VWC2: variants seen among roughly 807,000 people sequenced by gnomAD.
VWC2 encodes von Willebrand factor C domain containing 2.
VWC2 carries 14 observed loss-of-function variants against 29.8 expected under a neutral mutation model. The ratio of observed to expected loss-of-function variants is 0.47; its 90% CI spans 0.31 to 0.74. The LOEUF is 0.74. Among genes scored for constraint, VWC2 ranks in the 30% least tolerant of loss-of-function variants. The probability of loss-of-function intolerance (pLI) is 0.05; values close to 1 mark genes in which losing one functional copy is unlikely to be tolerated. For synonymous variants in VWC2, 213 were observed against 199.0 expected (o/e 1.07, Z -0.59); for missense variants, 457 against 459.8 (o/e 0.99, Z 0.05).
chr7:49,901,870 G>GAACACTGTTTGCTAACACTGTTAGCT (rs556242675), intron 3 of VWC2, among the ~76,000 whole-genome samples: 5,059 of 146,854 alleles, frequency 0.034, 308 homozygotes, highest in Admixed American at 0.15. Context: ...AGATAAATAT[G>GAACACTGTTTGCTAACACTGTTAGCT]AACACTGTTT....
intron 3 of VWC2, among the ~76,000 whole-genome samples, chr7:49,835,145 T>C (rs1339030114): frequency 6.6e-6 from 1 of 152,158 alleles, no homozygotes; most frequent in Non-Finnish European, 1.5e-5. Context: ...TGGTCAGTGA[T>C]TGGCTATTCA....
At chr7:49,845,695 A>T (rs748473944) in intron 3 of VWC2, among the ~76,000 whole-genome samples, 2 of 152,250 alleles carry the variant, frequency 1.3e-5, no homozygotes, top group Non-Finnish European at 2.9e-5. Context: ...AATTCCTAAT[A>T]AAAGACCTTG....
Position 49,914,150 on chromosome 7 carries a change from C to T in VWC2, c.*1965C>T, listed in dbSNP as rs1241054998. 6.6e-6 allele frequency: 1 copy of T among 152,210 alleles called. No homozygotes were observed. The highest frequency in any genetic ancestry group is 6.5e-5 in the Admixed American group (1 of 15,272). The allele number at this position is 152,210 out of a possible 1,614,324, so 9.4% of individuals were successfully genotyped here. ...GTTGTCGTTTTGCTAATAAATGGCC[C>T]TAGCCCCCATGGGTAGGTGGGCCAT... On this transcript the variant is annotated 3_prime_UTR_variant, in exon 4 of 4. Transcript: ENST00000340652.
chr7:49,858,706 A>G (rs1790528261), intron 3 of VWC2, among the ~76,000 whole-genome samples: 2 of 149,970 alleles, frequency 1.3e-5, no homozygotes, highest in African/African-American at 2.5e-5. Flanking sequence ...GTATAATAAT[A>G]ATAAAAAAAA....
At chr7:49,782,543 A>T (rs1583621661) in intron 2 of VWC2, among the ~76,000 whole-genome samples, 1 of 88,698 alleles carries the variant, frequency 1.1e-5, no homozygotes, top group African/African-American at 3.0e-5. Flanking sequence ...TCTAGTGGTT[A>T]AAAAAAAAAA....
At chr7:49,865,831 T>C (rs944032956) in intron 3 of VWC2, among the ~76,000 whole-genome samples, 3 of 152,206 alleles carry the variant, frequency 2.0e-5, no homozygotes, top group Non-Finnish European at 4.4e-5. Context: ...GCTCATTCCA[T>C]GCAACCTCAG....
intron 3 of VWC2, among the ~76,000 whole-genome samples, chr7:49,856,810 C>A (rs909977974): frequency 2.6e-5 from 4 of 151,882 alleles, no homozygotes; most frequent in African/African-American, 9.7e-5. Flanking sequence ...GAGATCGAGA[C>A]CATCCTGGCT....
At chr7:49,870,332 G>A (rs1791094705) in intron 3 of VWC2, among the ~76,000 whole-genome samples, 1 of 152,178 alleles carries the variant, frequency 6.6e-6, no homozygotes, top group South Asian at 2.1e-4. Context: ...CCCAGGAGGT[G>A]GAGCTTGCAG....
chr7:49,830,509 C>T (rs1170778737), intron 3 of VWC2, among the ~76,000 whole-genome samples: 2 of 152,080 alleles, frequency 1.3e-5, no homozygotes, highest in African/African-American at 4.8e-5. Flanking sequence ...GCTACTCTTT[C>T]AGGTTTTCTC....
In VWC2 at chr7:49,776,108, T is replaced by C; in HGVS notation, c.673T>C (p.Tyr225His). The C allele has an allele frequency of 6.5e-7, 1 of 1,537,552 alleles. No individual in the cohort carries two copies. The change falls in exon 2 of 4, where the codon TAT (tyrosine) becomes CAT (histidine). Residue 225 changes from tyrosine to histidine, a missense_variant. Transcript: ENST00000340652. ...KNYCEFRGKT[Y>H]QTLEEFVVSP... ...CTACTGCGAGTTCCGGGGCAAGACCTATCAGACTTTGGAGGAGTTCGTGGT... is the reference window on the plus strand; with the variant it reads ...CTACTGCGAGTTCCGGGGCAAGACCCATCAGACTTTGGAGGAGTTCGTGGT...
At chr7:49,798,782 G>A (rs1194209914) in intron 2 of VWC2, among the ~76,000 whole-genome samples, 2 of 152,196 alleles carry the variant, frequency 1.3e-5, no homozygotes, top group Non-Finnish European at 2.9e-5. Context: ...GTGGGCATTG[G>A]GGTTTGTGTT....
intron 3 of VWC2, among the ~76,000 whole-genome samples, chr7:49,892,114 G>A (rs993908390): frequency 7.5e-6 from 1 of 134,184 alleles, no homozygotes; most frequent in Non-Finnish European, 1.5e-5. Flanking sequence ...GCGCAATCTC[G>A]GCTCACTGCA....
intron 3 of VWC2, among the ~76,000 whole-genome samples, chr7:49,901,988 G>A (rs547615317): frequency 6.0e-4 from 88 of 146,606 alleles, no homozygotes; most frequent in African/African-American, 2.3e-3. Context: ...ATCCACATGT[G>A]AAAAAATAAA....
At chr7:49,809,313 C>T (rs961764913) in intron 3 of VWC2, among the ~76,000 whole-genome samples, 7 of 151,860 alleles carry the variant, frequency 4.6e-5, no homozygotes, top group Non-Finnish European at 1.0e-4. Context: ...ACACAAATTA[C>T]CAAAACTGAC....
intron 3 of VWC2, among the ~76,000 whole-genome samples, chr7:49,890,240 C>T (rs960131728): frequency 5.3e-5 from 8 of 152,050 alleles, no homozygotes; most frequent in Admixed American, 3.9e-4. Flanking sequence ...CCAGGTCAAG[C>T]GTATTTGATA....
intron 3 of VWC2, among the ~76,000 whole-genome samples, chr7:49,882,459 G>C (rs1791709263): frequency 6.6e-6 from 1 of 152,076 alleles, no homozygotes; most frequent in African/African-American, 2.4e-5. Flanking sequence ...GATTTTCACT[G>C]TAAAGAGAAA....
chr7:49,864,021 T>C (rs1475073769), intron 3 of VWC2, among the ~76,000 whole-genome samples: 1 of 152,222 alleles, frequency 6.6e-6, no homozygotes, highest in Non-Finnish European at 1.5e-5. Context: ...TTGTTTATTA[T>C]AGTGTGGTAA....
Position 49,905,446 on chromosome 7 carries a change from C to T in VWC2, c.827-6588C>T, listed in dbSNP as rs551317890. ...AAGGAAGCAAATTTTGGTAAATATT[C>T]GTTTTTCACATTCTAAGCAAGTTTA... On this transcript the variant is annotated intron_variant, in intron 3 of 3. Transcript: ENST00000340652. Among the ~76,000 whole-genome samples the T allele has an allele frequency of 1.2e-3, 185 of 152,254 alleles. 2 individuals are homozygous for T. Among genetic ancestry groups the T allele is most frequent in the Middle Eastern group, 6.8e-3 (2 of 294 alleles).
At chr7:49,888,942 C>T (rs1035455059) in intron 3 of VWC2, among the ~76,000 whole-genome samples, 1 of 151,584 alleles carries the variant, frequency 6.6e-6, no homozygotes, top group Non-Finnish European at 1.5e-5. Context: ...CAAAAAAAAA[C>T]AAAAGAAGTG....
Sources: allele counts gnomAD v4.1 joint callset (sites outside exome capture counted in the v4.1 genomes callset), GRCh38; gene constraint gnomAD v4.1.1; transcripts MANE v1.5; gene names NCBI Gene and HGNC (gene_info 2026-07-23, HGNC 2026-07-21).